The following LAMP5 variants were observed in gnomAD, a reference collection of about 807,000 sequenced individuals.
LAMP5 encodes lysosome-associated membrane glycoprotein 5.
A neutral mutation model predicts 30.2 loss-of-function variants in LAMP5; 36 were observed. The observed-to-expected ratio is 1.19, with a 90% CI of 0.91 to 1.57. The LOEUF (loss-of-function observed/expected upper bound fraction) is 1.57, where lower values mean the gene tolerates loss of function less well. Ranked by LOEUF, LAMP5 falls within the 40% of genes most tolerant of loss-of-function variation. The pLI, the probability that LAMP5 is intolerant of heterozygous loss-of-function variation, is 0.00. For synonymous variants in LAMP5, 149 were observed against 134.6 expected (o/e 1.11, Z -0.74); for missense variants, 377 against 354.9 (o/e 1.06, Z -0.50).
intron 4 of LAMP5, among the ~76,000 whole-genome samples, chr20:9,517,621 A>ATGTGTGTG (rs3037127): frequency 4.6e-4 from 69 of 149,208 alleles, no homozygotes; most frequent in South Asian, 1.5e-3. Context: ...TTGTAAATGT[A>ATGTGTGTG]TGTGTGTGTG....
rs549945871 is a variant in LAMP5 at position 9,530,134 on chromosome 20, A to T, written c.*314A>T. ...AGCAATAAATGCCACTTGGAGCTGT[A>T]TCTGGCCCCAAAGTTTAGGGATTGA... On this transcript the variant is annotated 3_prime_UTR_variant, in exon 6 of 6. Transcript: ENST00000246070. The T allele has an allele frequency of 7.9e-5, 19 of 241,572 alleles. 1 individual carries two copies. The South Asian group carries it at 1.7e-3, about 22-fold the overall frequency. The allele number at this position is 241,572 out of a possible 1,614,324, so 15.0% of individuals were successfully genotyped here. A position where few individuals can be genotyped will look rare whatever the true frequency, so the allele number is the denominator to read the frequency against.
chr20:9,515,815 C>G (rs1179596180), intron 2 of LAMP5, among the ~76,000 whole-genome samples, 185 bp from the exon 3 acceptor site: 1 of 152,216 alleles, frequency 6.6e-6, no homozygotes, highest in African/African-American at 2.4e-5. Flanking sequence ...AAAGTAAACC[C>G]CCTTCTCTCC....
chr20:9,516,575 G>C (rs1384709497), intron 4 of LAMP5, among the ~76,000 whole-genome samples: 14 of 152,064 alleles, frequency 9.2e-5, no homozygotes. Context: ...GCAGGCGTGG[G>C]GACCCAAACG....
At chr20:9,515,864 A>G (rs1374430240) in intron 2 of LAMP5, 136 bp from the exon 3 acceptor site, 3 of 1,076,626 alleles carry the variant, frequency 2.8e-6, no homozygotes, top group Admixed American at 3.2e-5. Flanking sequence ...ATCTAACCGC[A>G]TGTTCCCGGA....
chr20:9,519,961 G>A (rs949092365), intron 5 of LAMP5, among the ~76,000 whole-genome samples: 3 of 152,178 alleles, frequency 2.0e-5, no homozygotes, highest in African/African-American at 7.2e-5. Context: ...GGTGTATAAA[G>A]TAAGAATAAA....
Position 9,518,057 on chromosome 20 carries a change from A to G in LAMP5, c.493A>G (p.Asn165Asp). The G allele has an allele frequency of 6.2e-7, 1 of 1,613,796 alleles. No homozygotes were observed. Among genetic ancestry groups the G allele is most frequent in the Non-Finnish European group, 8.5e-7 (1 of 1,180,008 alleles). Residue 165 changes from asparagine to aspartate, a missense_variant, in exon 5 of 6, where the codon AAC (asparagine) becomes GAC (aspartate). Coordinates refer to ENST00000246070, the MANE Select transcript of LAMP5 (RefSeq NM_012261.4). ...TGCTGTAGCTGGGAAGCACACAGCC[A>G]ACTCGCACCACCTCTCTGCCTTGGT... ...DAVSAGKHTA[N>D]SHHLSALVTP...
chr20:9,521,254 A>G (rs975501217), intron 5 of LAMP5, among the ~76,000 whole-genome samples: 2 of 152,130 alleles, frequency 1.3e-5, no homozygotes, highest in African/African-American at 4.8e-5. Flanking sequence ...GCTCAGCAGC[A>G]CAGCAAGGAG....
At position 9,529,945 on chromosome 20, in the gene LAMP5, C is replaced by G. The variant is rs975186934; in HGVS notation, c.*125C>G. 8.5e-6 allele frequency: 8 copies of G among 944,164 alleles called. No homozygotes were observed. The highest frequency in any genetic ancestry group is 1.9e-5 in the South Asian group (1 of 52,198). 58.5% of individuals were successfully genotyped at this position (944,164 alleles called of 1,614,324 possible). On this transcript the variant is annotated 3_prime_UTR_variant, in exon 6 of 6. Transcript: ENST00000246070. ...GCTACAATCAAACAGGCCTGGGTATCTGAGGCTTGCTTGGCTTGTGTCCAT... is the reference window on the plus strand; with the variant it reads ...GCTACAATCAAACAGGCCTGGGTATGTGAGGCTTGCTTGGCTTGTGTCCAT...
intron 5 of LAMP5, among the ~76,000 whole-genome samples, chr20:9,520,497 T>C (rs1371345642): frequency 6.6e-6 from 1 of 152,144 alleles, no homozygotes; most frequent in Non-Finnish European, 1.5e-5. Flanking sequence ...GGTGTGTGCA[T>C]GTGAGTGGAG....
chr20:9,515,002 A>G, intron 1 of LAMP5, 86 bp downstream of exon 1: 2 of 1,212,868 alleles, frequency 1.6e-6, no homozygotes, highest in Non-Finnish European at 1.2e-6. Flanking sequence ...TTAGCTTGAG[A>G]TAAAAAATAT....
chr20:9,525,494 G>A (rs1264608616), intron 5 of LAMP5, among the ~76,000 whole-genome samples: 2 of 152,122 alleles, frequency 1.3e-5, no homozygotes, highest in African/African-American at 2.4e-5. Context: ...GAAGATCTGG[G>A]ATCTGAGCCC....
Position 9,515,889 on chromosome 20 carries a change from C to G in LAMP5, c.238-111C>G, listed in dbSNP as rs889260554. On this transcript the variant is annotated intron_variant, in intron 2 of 5. Coordinates refer to ENST00000246070, the MANE Select transcript of LAMP5 (RefSeq NM_012261.4). ...ATGTTCCCGGAACCTGGGATGCGCG[C>G]GCGCAAAGGAGCGCCCAAGCGTGCA... The G allele has an allele frequency of 2.4e-6, 3 of 1,263,906 alleles. No individual in the cohort carries two copies. The African/African-American group carries it at 4.5e-5, about 19-fold the overall frequency. 78.3% of individuals were successfully genotyped at this position (1,263,906 alleles called of 1,614,324 possible).
intron 5 of LAMP5, among the ~76,000 whole-genome samples, chr20:9,526,509 G>A (rs567937811): frequency 1.4e-4 from 22 of 152,166 alleles, no homozygotes; most frequent in South Asian, 4.2e-4. Context: ...TCATACTGGC[G>A]AAGAAGACCG....
chr20:9,523,541 G>A (rs1376917076), intron 5 of LAMP5, among the ~76,000 whole-genome samples: 4 of 152,216 alleles, frequency 2.6e-5, no homozygotes, highest in Non-Finnish European at 5.9e-5. Flanking sequence ...TGGGTTAAGA[G>A]TTGAGGAGAC....
At chr20:9,525,555 T>A (rs936360528) in intron 5 of LAMP5, among the ~76,000 whole-genome samples, 1 of 152,260 alleles carries the variant, frequency 6.6e-6, no homozygotes, top group African/African-American at 2.4e-5. Flanking sequence ...TCCCTCTTGA[T>A]GTGATGATCT....
chr20:9,515,023 G>A (rs2045025147), intron 1 of LAMP5, 107 bp downstream of exon 1: 12 of 1,015,064 alleles, frequency 1.2e-5, no homozygotes, highest in Admixed American at 1.1e-4. Flanking sequence ...GGCCCTTAAT[G>A]TTTTGCGGTG....
At chr20:9,518,294 T>G in intron 5 of LAMP5, 66 bp downstream of exon 5, 14 of 1,395,888 alleles carry the variant, frequency 1.0e-5, no homozygotes, top group Non-Finnish European at 1.4e-5. Context: ...GAGAGGGACC[T>G]ACCAGGGCCC....
At chr20:9,525,806 G>A (rs2045108016) in intron 5 of LAMP5, among the ~76,000 whole-genome samples, 2 of 152,076 alleles carry the variant, frequency 1.3e-5, no homozygotes, top group South Asian at 4.1e-4. Context: ...CTTGTAGTTG[G>A]GGCCACACAG....
chr20:9,516,317 T>C lies in LAMP5; in HGVS notation c.431T>C (p.Val144Ala). 3.1e-6 allele frequency: 5 copies of C among 1,614,136 alleles called. No individual in the cohort carries two copies. Among genetic ancestry groups the C allele is most frequent in the Non-Finnish European group, 4.2e-6 (5 of 1,180,026 alleles). Residue 144 changes from valine to alanine, a missense_variant, in exon 4 of 6, where the codon GTC becomes GCC. Val to Ala is a moderately conservative substitution (Grantham distance 64). Transcript: ENST00000246070. ...TGGAGGCTGAGCAAAGTGCAGTTTG[T>C]CTACGACTCCTCGGAGAAAACCCAC... ...ATWRLSKVQFVYDSSEKTHFK... is the reference protein window; with the variant it reads ...ATWRLSKVQFAYDSSEKTHFK...
Sources: gnomAD v4.1 joint callset for allele counts (sites outside exome capture counted in the v4.1 genomes callset) on GRCh38, gnomAD v4.1.1 for gene constraint, MANE v1.5 for transcripts, NCBI Gene and HGNC (gene_info 2026-07-23, HGNC 2026-07-21) for gene names.